ATXN10: variants seen among roughly 807,000 people sequenced by gnomAD.
ATXN10 encodes ataxin 10.
A neutral mutation model predicts 52.9 loss-of-function variants in ATXN10; 28 were observed. The observed-to-expected ratio is 0.53, with a 90% confidence interval of 0.39 to 0.73. The LOEUF is 0.73. Ranked by LOEUF, ATXN10 falls within the 30% of genes least tolerant of loss-of-function variation. The pLI is 0.00. For missense variants in ATXN10, 565 were observed against 577.0 expected, an observed-to-expected ratio of 0.98 and a Z score of 0.21; for synonymous variants, 226 against 221.5, an observed-to-expected ratio of 1.02 and a Z score of -0.18.
rs1929052043 is a variant in ATXN10, at chr22:45,833,291, G to A, written c.1238-9700G>A. Among the ~76,000 whole-genome samples, 1 of 152,152 alleles carries A rather than the reference G, an allele frequency of 6.6e-6. No homozygotes were observed. Among genetic ancestry groups the A allele is most frequent in the African/African-American group, 2.4e-5 (1 of 41,426 alleles). ...GCTGCTGAAGGCGTCGGGGGAGGTG[G>A]GGTGAGGAGGCAGGTCAGGATGGCC... On this transcript the variant is annotated intron_variant, in intron 10 of 11. Coordinates refer to ENST00000252934, the MANE Select transcript of ATXN10 (RefSeq NM_013236.4). This position sits in a 1 kb window ranked among gnomAD's most constrained non-coding sequence, Gnocchi z 4.3.
chr22:45,834,061 T>C (rs1030276701), intron 10 of ATXN10, among the ~76,000 whole-genome samples: 15 of 152,212 alleles, frequency 9.9e-5, no homozygotes, highest in Non-Finnish European at 2.2e-4. Flanking sequence ...GAACAGCCCC[T>C]GGCACATCCT....
At position 45,780,776 on chromosome 22, in the gene ATXN10, G is replaced by A. The variant is rs1054562937; in HGVS notation, c.1174-26183G>A. Among the ~76,000 whole-genome samples the A allele has an allele frequency of 6.6e-6, 1 of 152,148 alleles. No individual in the cohort carries two copies. Among genetic ancestry groups the A allele is most frequent in the Non-Finnish European group, 1.5e-5 (1 of 68,034 alleles). On this transcript the variant is annotated intron_variant, in intron 9 of 11. Coordinates refer to ENST00000252934, the MANE Select transcript of ATXN10 (RefSeq NM_013236.4). The surrounding 1 kb of genome is among the most constrained non-coding windows in gnomAD (Gnocchi z 4.0). ...TTTGGCACCTTAAAAACAATACGTT[G>A]GCAATTGGACTTGGGATTCTGGATT... is the stretch of plus-strand genomic sequence containing the variant.
chr22:45,706,082 T>C (rs1443437234), intron 5 of ATXN10, among the ~76,000 whole-genome samples: 1 of 152,192 alleles, frequency 6.6e-6, no homozygotes, highest in Admixed American at 6.5e-5. Flanking sequence ...GTAGAACAGT[T>C]TCTTCCTGAA....
intron 9 of ATXN10, among the ~76,000 whole-genome samples, chr22:45,782,293 C>T (rs960334286): frequency 6.6e-6 from 1 of 152,192 alleles, no homozygotes; most frequent in African/African-American, 2.4e-5. Context: ...TTTTGCTAAA[C>T]CAGCTATTAT....
At chr22:45,808,260 G>T (rs142025126) in intron 10 of ATXN10, among the ~76,000 whole-genome samples, 33 of 152,326 alleles carry the variant, frequency 2.2e-4, no homozygotes, top group African/African-American at 7.9e-4. Context: ...TGGGAAAGCA[G>T]TACGAGAATG....
Position 45,786,968 on chromosome 22 carries a change from G to A in ATXN10, c.1174-19991G>A, listed in dbSNP as rs1480869649. On this transcript the variant is annotated intron_variant, in intron 9 of 11. Transcript: ENST00000252934. This position sits in a 1 kb window ranked among gnomAD's most constrained non-coding sequence, Gnocchi z 4.1. ...GAGGTTAAAAAAAATTGTCTATATG[G>A]ATGCTCATTGCATTGTTGGTGAAAA... Among the ~76,000 whole-genome samples the A allele has an allele frequency of 6.6e-6, 1 of 152,154 alleles. No individual in the cohort carries two copies. Among genetic ancestry groups the A allele is most frequent in the Non-Finnish European group, 1.5e-5 (1 of 68,030 alleles).
chr22:45,738,218 A>G (rs1925374702), intron 7 of ATXN10, among the ~76,000 whole-genome samples: 1 of 152,250 alleles, frequency 6.6e-6, no homozygotes, highest in Non-Finnish European at 1.5e-5. Context: ...GATATTGCAT[A>G]GAAGTTCATA....
At position 45,833,562 on chromosome 22, in the gene ATXN10, A is replaced by T. The variant is rs1288316572; in HGVS notation, c.1238-9429A>T. The stretch of plus-strand genomic sequence containing the variant: ...GACGAACACTAATGTCTTATAACTT[A>T]GGTGGGTTTACTTTTTCTGCTCCAA... On this transcript the variant is annotated intron_variant, in intron 10 of 11. Coordinates refer to ENST00000252934, the MANE Select transcript of ATXN10 (RefSeq NM_013236.4). The surrounding 1 kb of genome is among the most constrained non-coding windows in gnomAD (Gnocchi z 4.3). Among the ~76,000 whole-genome samples, 2 of 152,242 alleles carry T rather than the reference A, an allele frequency of 1.3e-5. No individual in the cohort carries two copies. The highest frequency in any genetic ancestry group is 3.8e-4 in the East Asian group (2 of 5,206).
At chr22:45,698,496 C>T (rs1310329701) in intron 3 of ATXN10, among the ~76,000 whole-genome samples, 5 of 152,142 alleles carry the variant, frequency 3.3e-5, no homozygotes, top group Admixed American at 6.5e-5. Flanking sequence ...TAAAGGTTTT[C>T]TATACATTGT....
chr22:45,700,079 T>C (rs1923781411), intron 3 of ATXN10, among the ~76,000 whole-genome samples: 1 of 152,206 alleles, frequency 6.6e-6, no homozygotes, highest in Non-Finnish European at 1.5e-5. Context: ...CCCAAAGTGC[T>C]GGGATTACAG....
chr22:45,709,935 T>TCACC (rs993845939), intron 5 of ATXN10, among the ~76,000 whole-genome samples: 1 of 152,178 alleles, frequency 6.6e-6, no homozygotes, highest in Non-Finnish European at 1.5e-5. Context: ...CCACTTATAC[T>TCACC]CATTAGCCCT....
chr22:45,719,625 T>G (rs1431344574), intron 6 of ATXN10, among the ~76,000 whole-genome samples: 3 of 152,216 alleles, frequency 2.0e-5, no homozygotes, highest in East Asian at 1.9e-4. Context: ...ATTTTAATAT[T>G]CAAGCTGATA....
At chr22:45,730,816 A>T (rs192210911) in intron 7 of ATXN10, among the ~76,000 whole-genome samples, 8 of 152,296 alleles carry the variant, frequency 5.3e-5, no homozygotes, top group Admixed American at 5.2e-4. Context: ...ACATTTCCAC[A>T]GCTGTTATCC....
chr22:45,755,542 G>A (rs1422693210), intron 9 of ATXN10, among the ~76,000 whole-genome samples: 2 of 152,014 alleles, frequency 1.3e-5, no homozygotes, highest in Admixed American at 1.3e-4. Context: ...GTTGGTTACT[G>A]TCATCAATAT....
chr22:45,785,092 G>T (rs1312304533), intron 9 of ATXN10, among the ~76,000 whole-genome samples: 4 of 152,202 alleles, frequency 2.6e-5, no homozygotes, highest in African/African-American at 9.7e-5. Flanking sequence ...GCACAGATGT[G>T]CCGAAACAGC....
At chr22:45,672,612 G>C (rs993670540) in intron 1 of ATXN10, 9 of 152,864 alleles carry the variant, frequency 5.9e-5, no homozygotes, top group African/African-American at 1.9e-4. Context: ...GCAGTTGCGG[G>C]GATGGCAGTC....
chr22:45,807,524 AG>A (rs1296324827), intron 10 of ATXN10, among the ~76,000 whole-genome samples: 3 of 152,134 alleles, frequency 2.0e-5, no homozygotes, highest in African/African-American at 7.2e-5. Flanking sequence ...TCATCTTCGG[AG>A]GGTTTGTCCT....
intron 6 of ATXN10, among the ~76,000 whole-genome samples, chr22:45,723,026 A>G (rs1201485875): frequency 6.6e-6 from 1 of 152,146 alleles, no homozygotes; most frequent in Non-Finnish European, 1.5e-5. Context: ...ATACTTAGCA[A>G]TAACTGTTAC....
chr22:45,682,208 C>CA (rs1306239071), intron 1 of ATXN10, among the ~76,000 whole-genome samples: 1 of 152,212 alleles, frequency 6.6e-6, no homozygotes, highest in Admixed American at 6.5e-5. Flanking sequence ...ACTCAGTCCT[C>CA]AGACCTCTTC....
Sources: gnomAD v4.1 joint callset for allele counts (sites outside exome capture counted in the v4.1 genomes callset) on GRCh38, gnomAD v4.1.1 for gene constraint, Gnocchi (gnomAD v3.1) non-coding constraint, MANE v1.5 for transcripts, NCBI Gene and HGNC (gene_info 2026-07-23, HGNC 2026-07-21) for gene names.